Variants in RASSF8 observed in about 807,000 individuals in gnomAD.
RASSF8 encodes the protein ras association domain-containing protein 8.
A neutral mutation model predicts 48.5 loss-of-function variants in RASSF8; 22 were observed. The observed-to-expected ratio is 0.45, with a 90% CI of 0.32 to 0.65. The LOEUF (loss-of-function observed/expected upper bound fraction) is 0.65, where lower values mean the gene tolerates loss of function less well. Among genes scored for constraint, RASSF8 ranks in the 30% least tolerant of loss-of-function variants. RASSF8 has a pLI of 0.03. For synonymous variants in RASSF8, 127 were observed against 171.5 expected (o/e 0.74, Z 2.03); for missense variants, 418 against 489.2 (o/e 0.85, Z 1.37).
At chr12:26,008,266 G>A (rs1052213185) in intron 2 of RASSF8, among the ~76,000 whole-genome samples, 4 of 148,708 alleles carry the variant, frequency 2.7e-5, no homozygotes, top group Admixed American at 6.6e-5. Flanking sequence ...GCGAGACTCC[G>A]TTTAAAAAAA....
chr12:26,071,966 AAC>A lies in RASSF8; in HGVS notation c.*3150_*3151del. The A allele has an allele frequency of 1.0e-6, 1 of 985,406 alleles. No homozygotes were observed. The allele number at this position is 985,406 out of a possible 1,614,324, so 61.0% of individuals were successfully genotyped here. A position where few individuals can be genotyped will look rare whatever the true frequency, so the allele number is the denominator to read the frequency against. Reference sequence around the variant, plus strand: ...ATAAGAGCAAAATGGTCTTCAGAGAAACAGACTGTTCATTTGAAGCCATTTCT... The same window carrying A: ...ATAAGAGCAAAATGGTCTTCAGAGAAAGACTGTTCATTTGAAGCCATTTCT... On this transcript the variant is annotated 3_prime_UTR_variant, in exon 6 of 6. Coordinates refer to ENST00000689635, the MANE Select transcript of RASSF8 (RefSeq NM_001394098.1).
In RASSF8 at chr12:26,064,993, C is replaced by G. The variant is rs543199779; in HGVS notation, c.599C>G (p.Ser200Cys). 6.2e-7 allele frequency: 1 copy of G among 1,613,042 alleles called. No individual in the cohort carries two copies. The highest frequency in any genetic ancestry group is 2.2e-5 in the East Asian group (1 of 44,894). Residue 200 changes from serine to cysteine, a missense_variant, in exon 4 of 6, where the codon TCC (serine) becomes TGC (cysteine). Ser to Cys is a moderately radical substitution (Grantham distance 112). Coordinates refer to ENST00000689635, the MANE Select transcript of RASSF8 (RefSeq NM_001394098.1). ...EIRFWEQKYNSNLEEEIVRLE... is the reference protein window; with the variant it reads ...EIRFWEQKYNCNLEEEIVRLE... Reference sequence around the variant, plus strand: ...AGATTTTGGGAGCAAAAGTATAATTCCAACCTTGAAGAGGAAATTGTCCGT... The same window carrying G: ...AGATTTTGGGAGCAAAAGTATAATTGCAACCTTGAAGAGGAAATTGTCCGT...
At chr12:26,061,253 T>C (rs1943735596) in intron 3 of RASSF8, among the ~76,000 whole-genome samples, 1 of 152,190 alleles carries the variant, frequency 6.6e-6, no homozygotes, top group Non-Finnish European at 1.5e-5. Flanking sequence ...TTTTGGTGTG[T>C]ATTTTCAAAA....
chr12:25,965,215 A>G (rs1941330201), intron 1 of RASSF8, among the ~76,000 whole-genome samples: 1 of 152,200 alleles, frequency 6.6e-6, no homozygotes, highest in Non-Finnish European at 1.5e-5. Context: ...TGCTGGGATT[A>G]CAGGCATGAG....
intron 2 of RASSF8, among the ~76,000 whole-genome samples, chr12:26,040,954 C>T (rs1380865985): frequency 6.6e-6 from 1 of 150,668 alleles, no homozygotes; most frequent in East Asian, 1.9e-4. Flanking sequence ...GTGGCGTGAT[C>T]TCAGCTCACT....
At chr12:26,076,422 C>A (rs1476470193), downstream of RASSF8, among the ~76,000 whole-genome samples, 2 of 152,198 alleles carry the variant, frequency 1.3e-5, no homozygotes, top group African/African-American at 2.4e-5. Context: ...CCCAGCTCCC[C>A]ACCCTATCAC....
intron 1 of RASSF8, among the ~76,000 whole-genome samples, chr12:25,986,684 C>T (rs1250375931): frequency 6.6e-6 from 1 of 152,166 alleles, no homozygotes; most frequent in Middle Eastern, 3.2e-3. Flanking sequence ...CATTCATTGA[C>T]TCCTTCCATG....
At chr12:26,067,851 G>C in intron 5 of RASSF8, 138 bp downstream of exon 5, 1 of 1,141,386 alleles carries the variant, frequency 8.8e-7, no homozygotes, top group Non-Finnish European at 1.2e-6. Flanking sequence ...CTGCAGCCTC[G>C]ACCTCCTGGG....
intron 2 of RASSF8, among the ~76,000 whole-genome samples, chr12:26,030,105 T>C (rs916668830): frequency 1.6e-4 from 24 of 152,226 alleles, no homozygotes; most frequent in Admixed American, 1.4e-3. Context: ...TGATACCGTA[T>C]GTCTAAATTG....
chr12:26,025,426 G>A (rs558543190), intron 2 of RASSF8, among the ~76,000 whole-genome samples: 1 of 152,022 alleles, frequency 6.6e-6, no homozygotes, highest in Non-Finnish European at 1.5e-5. Flanking sequence ...GCGTGTTGGC[G>A]GGCGCCTGTA....
At chr12:26,065,748 C>T (rs1943859606) in intron 4 of RASSF8, among the ~76,000 whole-genome samples, 1 of 152,180 alleles carries the variant, frequency 6.6e-6, no homozygotes, top group Non-Finnish European at 1.5e-5. Context: ...TAGCTGACTG[C>T]TTATCTGTCA....
At chr12:26,049,490 A>T (rs961168912) in intron 2 of RASSF8, among the ~76,000 whole-genome samples, 1 of 152,254 alleles carries the variant, frequency 6.6e-6, no homozygotes, top group South Asian at 2.1e-4. Flanking sequence ...AATAAGTGCC[A>T]TCCTTCAGTT....
chr12:25,992,505 G>T (rs1942037932), intron 1 of RASSF8, among the ~76,000 whole-genome samples: 1 of 152,210 alleles, frequency 6.6e-6, no homozygotes, highest in African/African-American at 2.4e-5. Flanking sequence ...TACCTGGAGT[G>T]ACTAGTTTTG....
At chr12:26,017,125 T>G (rs1017864061) in intron 2 of RASSF8, among the ~76,000 whole-genome samples, 1 of 152,168 alleles carries the variant, frequency 6.6e-6, no homozygotes, top group African/African-American at 2.4e-5. Flanking sequence ...ATGAAATATT[T>G]TTTTAAAAAA....
At position 26,055,279 on chromosome 12, in the gene RASSF8, C is replaced by A; in HGVS notation, c.-65C>A. 7.6e-7 allele frequency: 1 copy of A among 1,316,984 alleles called. No individual in the cohort carries two copies. Among genetic ancestry groups the A allele is most frequent in the South Asian group, 1.2e-5 (1 of 84,846 alleles). 81.6% of individuals were successfully genotyped at this position (1,316,984 alleles called of 1,614,324 possible). A position where few individuals can be genotyped will look rare whatever the true frequency, so the allele number is the denominator to read the frequency against. On this transcript the variant is annotated 5_prime_UTR_variant, in exon 3 of 6. Transcript: ENST00000689635. Reference sequence around the variant, plus strand: ...TCTTCTCCACTCCGTGTTCCTGCAGCTAGAGACATGACCTAACACCCTGAT... The same window carrying A: ...TCTTCTCCACTCCGTGTTCCTGCAGATAGAGACATGACCTAACACCCTGAT...
intron 2 of RASSF8, among the ~76,000 whole-genome samples, chr12:25,996,363 C>T (rs1942133592): frequency 6.6e-6 from 1 of 152,200 alleles, no homozygotes; most frequent in Admixed American, 6.5e-5. Flanking sequence ...ACTACCATTA[C>T]TGATGAAGCT....
chr12:26,041,125 C>T (rs970477899), intron 2 of RASSF8, among the ~76,000 whole-genome samples: 3 of 151,984 alleles, frequency 2.0e-5, no homozygotes, highest in African/African-American at 7.2e-5. Context: ...ATCTCCTGAC[C>T]TCATGATCCT....
intron 2 of RASSF8, among the ~76,000 whole-genome samples, chr12:26,053,278 A>G (rs563498318): frequency 1.3e-5 from 2 of 152,048 alleles, no homozygotes; most frequent in South Asian, 4.2e-4. Flanking sequence ...TTCTTGCTTG[A>G]TTTCCCAAGT....
At chr12:26,049,454 A>T (rs1943442945) in intron 2 of RASSF8, among the ~76,000 whole-genome samples, 1 of 152,234 alleles carries the variant, frequency 6.6e-6, no homozygotes, top group Admixed American at 6.5e-5. Context: ...TGACTGGCAA[A>T]AATTAACCCA....
Sources: allele counts gnomAD v4.1 joint callset (sites outside exome capture counted in the v4.1 genomes callset), GRCh38; gene constraint gnomAD v4.1.1; transcripts MANE v1.5; gene names NCBI Gene and HGNC (gene_info 2026-07-23, HGNC 2026-07-21).